CACNB4: variants seen among roughly 807,000 people sequenced by gnomAD.
CACNB4 encodes the protein voltage-dependent L-type calcium channel subunit beta-4.
A neutral mutation model predicts 71.2 loss-of-function variants in CACNB4; 32 were observed. The observed-to-expected ratio is 0.45, with a 90% CI of 0.34 to 0.60. The LOEUF is 0.60. Among genes scored for constraint, CACNB4 ranks in the 20% least tolerant of loss-of-function variants. The pLI, the probability that CACNB4 is intolerant of heterozygous loss-of-function variation, is 0.01. For synonymous variants in CACNB4, 231 were observed against 236.9 expected (o/e 0.97, Z 0.23); for missense variants, 464 against 647.9 (o/e 0.72, Z 3.08).
At chr2:152,066,502 T>TG (rs550978977) in intron 2 of CACNB4, among the ~76,000 whole-genome samples, 1 of 151,236 alleles carries the variant, frequency 6.6e-6, no homozygotes, top group Non-Finnish European at 1.5e-5. Flanking sequence ...CAACAGGTGC[T>TG]GGAGAGGATG....
chr2:151,999,912 A>T (rs1057124270), intron 2 of CACNB4, among the ~76,000 whole-genome samples: 2 of 152,250 alleles, frequency 1.3e-5, no homozygotes, highest in African/African-American at 2.4e-5. Context: ...CTTCCCACCT[A>T]CTTACCTCAC....
rs573066911 is a variant in CACNB4, at chr2:151,887,418, C to T, written c.148-4048G>A. The stretch of plus-strand genomic sequence containing the variant: ...CAGCACTCCAGCCTGGGTGACAGAG[C>T]CAGACCCTGTCTCAAAAAAAAAAAA... On this transcript the variant is annotated intron_variant, in intron 2 of 13. Transcript: ENST00000539935. 2.4e-5 allele frequency among the ~76,000 whole-genome samples: 3 copies of T among 126,944 alleles called. No individual in the cohort carries two copies. In the South Asian group the frequency reaches 9.3e-4, roughly 39 times the overall value. 83.3% of individuals were successfully genotyped at this position (126,944 alleles called of 152,430 possible).
At chr2:152,043,856 G>C (rs1251164641) in intron 2 of CACNB4, among the ~76,000 whole-genome samples, 1 of 152,106 alleles carries the variant, frequency 6.6e-6, no homozygotes, top group Non-Finnish European at 1.5e-5. Flanking sequence ...TAAATTGAGA[G>C]GGCTTCTTTT....
intron 2 of CACNB4, among the ~76,000 whole-genome samples, chr2:152,009,986 A>C (rs1402285192): frequency 1.3e-5 from 2 of 152,272 alleles, no homozygotes; most frequent in East Asian, 3.8e-4. Flanking sequence ...ATTAACATTT[A>C]AGTTATATCT....
At chr2:151,954,211 C>T (rs1325083953) in intron 2 of CACNB4, among the ~76,000 whole-genome samples, 2 of 152,220 alleles carry the variant, frequency 1.3e-5, no homozygotes, top group African/African-American at 4.8e-5. Flanking sequence ...TCGTTCTAAA[C>T]CAGAGTGGCA....
At chr2:151,848,150 T>C (rs79917069) in intron 12 of CACNB4, among the ~76,000 whole-genome samples, 1,642 of 152,288 alleles carry the variant, frequency 0.011, 31 homozygotes, top group African/African-American at 0.038. Flanking sequence ...CCCATGCTTC[T>C]GTTAAAGTCA....
At chr2:152,076,425 G>C (rs1687027932) in intron 2 of CACNB4, among the ~76,000 whole-genome samples, 1 of 151,112 alleles carries the variant, frequency 6.6e-6, no homozygotes, top group Admixed American at 6.6e-5. Flanking sequence ...GCCTCCCAAA[G>C]TGCTGGGATT....
At chr2:152,064,969 G>A (rs1478033864) in intron 2 of CACNB4, among the ~76,000 whole-genome samples, 3 of 152,128 alleles carry the variant, frequency 2.0e-5, no homozygotes, top group African/African-American at 7.2e-5. Context: ...ACACAGCAGC[G>A]CTCCTATGAA....
At chr2:152,024,330 C>T (rs1318080684) in intron 2 of CACNB4, among the ~76,000 whole-genome samples, 1 of 152,132 alleles carries the variant, frequency 6.6e-6, no homozygotes, top group Non-Finnish European at 1.5e-5. Flanking sequence ...AAAAAAAGAA[C>T]TAATTGTTTA....
chr2:151,875,616 CA>C (rs1205910778), intron 5 of CACNB4, among the ~76,000 whole-genome samples: 5 of 145,206 alleles, frequency 3.4e-5, no homozygotes, highest in Non-Finnish European at 6.0e-5. Context: ...GCTCGCCAGG[CA>C]GGGGGCTGAC....
chr2:152,097,209 T>C (rs149311595), intron 2 of CACNB4, among the ~76,000 whole-genome samples: 20 of 152,364 alleles, frequency 1.3e-4, no homozygotes, highest in Non-Finnish European at 2.5e-4. Context: ...ATATGCTTTA[T>C]AGACCCTTTT....
chr2:151,870,099 T>C lies in CACNB4; in HGVS notation c.699+432A>G, dbSNP rs922553381. The stretch of plus-strand genomic sequence containing the variant: ...GAGAAGGATTTGGTGGCATATGCCA[T>C]CATCTTAAAAACCCAGCAGGGTGAA... On this transcript the variant is annotated intron_variant, in intron 8 of 13. Coordinates refer to ENST00000539935, the MANE Select transcript of CACNB4 (RefSeq NM_000726.5). The C allele has an allele frequency of 2.3e-5, 14 of 601,082 alleles. No individual in the cohort carries two copies. In the Middle Eastern group the frequency reaches 1.8e-3, roughly 75 times the overall value. The allele number at this position is 601,082 out of a possible 1,614,324, so 37.2% of individuals were successfully genotyped here.
chr2:151,896,864 T>C (rs572551242), intron 2 of CACNB4, among the ~76,000 whole-genome samples: 1 of 152,360 alleles, frequency 6.6e-6, no homozygotes, highest in South Asian at 2.1e-4. Context: ...GATTTCATTA[T>C]CCACACTGAA....
chr2:151,839,354 T>G lies in CACNB4; in HGVS notation c.1328A>C (p.His443Pro). ...TTCAATTGGAGAGTTCTCTGTGGAG[T>G]GGTTGCTGTGCCTCATTCGCTGACT... is the stretch of plus-strand genomic sequence containing the variant. Reference protein sequence around the residue: ...LQSQRMRHSNHSTENSPIERR... With the variant: ...LQSQRMRHSNPSTENSPIERR... Residue 443 changes from histidine (H) to proline (P), a missense_variant, in exon 14 of 14, where the codon CAC (histidine) becomes CCC (proline). This residue lies in a region of CACNB4 where 115 missense variants were observed against 128.8 expected (regional missense o/e 0.89). Coordinates refer to ENST00000539935, the MANE Select transcript of CACNB4 (RefSeq NM_000726.5). 1 of 1,611,262 alleles carries G rather than the reference T, an allele frequency of 6.2e-7. No homozygotes were observed. The highest frequency in any genetic ancestry group is 8.5e-7 in the Non-Finnish European group (1 of 1,177,564).
Position 152,098,861 on chromosome 2 carries a change from C to T in CACNB4, c.63+88G>A. 8.8e-7 allele frequency: 1 copy of T among 1,141,494 alleles called. No individual in the cohort carries two copies. The highest frequency in any genetic ancestry group is 1.2e-6 in the Non-Finnish European group (1 of 824,068). 70.7% of individuals were successfully genotyped at this position (1,141,494 alleles called of 1,614,324 possible). A position where few individuals can be genotyped will look rare whatever the true frequency, so the allele number is the denominator to read the frequency against. On this transcript the variant is annotated intron_variant, in intron 1 of 13. Transcript: ENST00000539935. The surrounding 1 kb of genome is among the most constrained non-coding windows in gnomAD (Gnocchi z 5.3). ...TCCCGGGACTGGGGCCCCGCACGCC[C>T]GGCACGAAGGCGGGGCGCGCTAGGG...
At chr2:151,942,989 T>A (rs193270468) in intron 2 of CACNB4, among the ~76,000 whole-genome samples, 14 of 152,364 alleles carry the variant, frequency 9.2e-5, no homozygotes, top group African/African-American at 3.1e-4. Flanking sequence ...AGTTCTGTTT[T>A]TGCCCTTTGT....
At chr2:151,992,169 G>C (rs1212673393) in intron 2 of CACNB4, among the ~76,000 whole-genome samples, 1 of 152,238 alleles carries the variant, frequency 6.6e-6, no homozygotes, top group African/African-American at 2.4e-5. Context: ...TGAGGCAGAA[G>C]AGAGAAGGCA....
intron 2 of CACNB4, among the ~76,000 whole-genome samples, chr2:151,915,216 T>C (rs1404989242): frequency 6.6e-6 from 1 of 151,774 alleles, no homozygotes; most frequent in Non-Finnish European, 1.5e-5. Context: ...ACCCAATGAG[T>C]AAGGATGGGT....
chr2:152,077,297 G>A (rs189848617), intron 2 of CACNB4, among the ~76,000 whole-genome samples: 249 of 152,294 alleles, frequency 1.6e-3, no homozygotes, highest in Admixed American at 7.5e-3. Context: ...GCTCATGCCC[G>A]TAATCACAAC....
Sources: allele counts gnomAD v4.1 joint callset (sites outside exome capture counted in the v4.1 genomes callset), GRCh38; gene constraint gnomAD v4.1.1; regional missense constraint gnomAD v4.1.1; non-coding constraint Gnocchi (gnomAD v3.1); transcripts MANE v1.5; gene names NCBI Gene and HGNC (gene_info 2026-07-23, HGNC 2026-07-21).